Variants in KCNH7 observed in about 807,000 individuals in gnomAD.
The protein encoded by KCNH7 is voltage-gated inwardly rectifying potassium channel KCNH7.
In KCNH7, 49 loss-of-function variants were observed where a neutral mutation model predicts 120.8. The ratio of observed to expected loss-of-function variants is 0.41; its 90% CI spans 0.32 to 0.51. KCNH7 has a LOEUF of 0.51. Among genes scored for constraint, KCNH7 ranks in the 20% least tolerant of loss-of-function variants. The pLI, the probability that KCNH7 is intolerant of heterozygous loss-of-function variation, is 0.38. For missense variants in KCNH7, 1,097 were observed against 1,446.6 expected (o/e 0.76, Z 3.92); for synonymous variants, 547 against 516.1 (o/e 1.06, Z -0.81).
intron 2 of KCNH7, among the ~76,000 whole-genome samples, chr2:162,722,703 G>T (rs961703285): frequency 6.6e-6 from 1 of 151,076 alleles, no homozygotes; most frequent in East Asian, 1.9e-4. Flanking sequence ...CCTTTCTTTC[G>T]CTTATCTTGT....
intron 2 of KCNH7, among the ~76,000 whole-genome samples, chr2:162,613,178 A>G (rs1466937342): frequency 1.3e-5 from 2 of 151,988 alleles, no homozygotes; most frequent in African/African-American, 2.4e-5. Flanking sequence ...GTATCATATC[A>G]TACTGAGACT....
intron 2 of KCNH7, among the ~76,000 whole-genome samples, chr2:162,635,184 C>T (rs996090551): frequency 6.6e-6 from 1 of 151,988 alleles, no homozygotes; most frequent in Non-Finnish European, 1.5e-5. Flanking sequence ...TCTGCAGTTG[C>T]TTTATAATTT....
intron 2 of KCNH7, among the ~76,000 whole-genome samples, chr2:162,689,223 T>C: frequency 6.6e-6 from 1 of 152,100 alleles, no homozygotes; most frequent in Non-Finnish European, 1.5e-5. Context: ...CGATCTCGGC[T>C]CACTGCAACC....
chr2:162,400,253 T>A lies in KCNH7; in HGVS notation c.2343A>T (p.Ala781=). 6.2e-7 allele frequency: 1 copy of A among 1,612,316 alleles called. No individual in the cohort carries two copies. The highest frequency in any genetic ancestry group is 8.5e-7 in the Non-Finnish European group (1 of 1,178,926). The change falls in exon 10 of 16, where the codon GCA becomes GCT. Residue 781 remains alanine (A), a synonymous_variant. Transcript: ENST00000332142. ...TGGAGCCTCTGGATAAGAAATAAAGTGCAGTGAGGACATCCCCACAGTGAA... is the reference window on the plus strand; with the variant it reads ...TGGAGCCTCTGGATAAGAAATAAAGAGCAGTGAGGACATCCCCACAGTGAA... ...TLVHCGDVLT[A]LYFLSRGSIE... is the part of the protein sequence containing the mutation.
chr2:162,816,495 T>C (rs992991567), intron 2 of KCNH7, among the ~76,000 whole-genome samples: 1 of 152,100 alleles, frequency 6.6e-6, no homozygotes, highest in Non-Finnish European at 1.5e-5. Flanking sequence ...CAGAGACTAT[T>C]GAAGATCTAT....
intron 2 of KCNH7, among the ~76,000 whole-genome samples, chr2:162,620,011 C>A (rs1683288592): frequency 6.6e-6 from 1 of 151,418 alleles, no homozygotes. Context: ...GAATAAGAGA[C>A]CTGTGCTGTT....
intron 2 of KCNH7, among the ~76,000 whole-genome samples, chr2:162,704,598 C>T (rs1686630292): frequency 6.6e-6 from 1 of 152,124 alleles, no homozygotes; most frequent in African/African-American, 2.4e-5. Flanking sequence ...CAGCTTTATC[C>T]AGCTAGAATT....
intron 9 of KCNH7, among the ~76,000 whole-genome samples, chr2:162,419,174 C>T (rs953040602): frequency 6.6e-6 from 1 of 151,322 alleles, no homozygotes; most frequent in African/African-American, 2.4e-5. Context: ...CTTACCTATC[C>T]CCTATCCACC....
At chr2:162,833,693 T>A (rs547012000) in intron 2 of KCNH7, among the ~76,000 whole-genome samples, 1 of 152,208 alleles carries the variant, frequency 6.6e-6, no homozygotes, top group East Asian at 1.9e-4. Context: ...TAGTAGGAAG[T>A]GGTGTTTCAA....
chr2:162,529,638 G>A (rs756221081), intron 3 of KCNH7, among the ~76,000 whole-genome samples: 14 of 151,840 alleles, frequency 9.2e-5, no homozygotes, highest in Non-Finnish European at 1.8e-4. Flanking sequence ...CATTAATCAC[G>A]TAAACAAGAA....
At chr2:162,554,618 A>G (rs997344495) in intron 2 of KCNH7, among the ~76,000 whole-genome samples, 2 of 152,116 alleles carry the variant, frequency 1.3e-5, no homozygotes, top group African/African-American at 4.8e-5. Flanking sequence ...GCAATGTAGC[A>G]TCTTTAAATC....
At chr2:162,423,213 T>C (rs1020799091) in intron 9 of KCNH7, 123 bp downstream of exon 9, 2 of 1,577,060 alleles carry the variant, frequency 1.3e-6, no homozygotes, top group Non-Finnish European at 1.7e-6. Flanking sequence ...GGGGAGAAAA[T>C]ACACATCCGA....
At chr2:162,827,148 T>C (rs1322187162) in intron 2 of KCNH7, among the ~76,000 whole-genome samples, 4 of 152,032 alleles carry the variant, frequency 2.6e-5, no homozygotes. Context: ...ATTGGAGGCA[T>C]TTTAAATAAA....
chr2:162,511,684 C>T (rs73022636), intron 5 of KCNH7, among the ~76,000 whole-genome samples: 49 of 151,722 alleles, frequency 3.2e-4, no homozygotes, highest in African/African-American at 1.2e-3. Context: ...TAATTCATAA[C>T]CATCACCAGC....
chr2:162,451,082 G>T (rs998145577), intron 6 of KCNH7, among the ~76,000 whole-genome samples: 1 of 151,868 alleles, frequency 6.6e-6, no homozygotes, highest in African/African-American at 2.4e-5. Flanking sequence ...CTACAATCTG[G>T]GTTTGAAGTC....
At position 162,517,980 on chromosome 2, in the gene KCNH7, A is replaced by G. The variant is rs765581378; in HGVS notation, c.642T>C (p.Asp214=). The stretch of plus-strand genomic sequence containing the variant: ...TGGGCTGTATCAAAGCTTTTGTGTC[A>G]TCTGCTTCAGAGGGGCTGCAGCTTT... ...TKESCSPSEA[D]DTKALIQPSK... The change falls in exon 4 of 16, where the codon GAT becomes GAC. Residue 214 remains aspartate (D), a synonymous_variant. Transcript: ENST00000332142. The G allele has an allele frequency of 5.6e-6, 9 of 1,612,504 alleles. No individual in the cohort carries two copies. Among genetic ancestry groups the G allele is most frequent in the Admixed American group, 1.7e-5 (1 of 59,918 alleles).
chr2:162,613,669 A>C (rs1553502925), intron 2 of KCNH7, among the ~76,000 whole-genome samples: 1 of 151,876 alleles, frequency 6.6e-6, no homozygotes, highest in Non-Finnish European at 1.5e-5. Context: ...GTATTGGGGC[A>C]AAACAAACAA....
chr2:162,465,428 G>C (rs1370303938), intron 6 of KCNH7, among the ~76,000 whole-genome samples: 2 of 152,052 alleles, frequency 1.3e-5, no homozygotes, highest in Admixed American at 1.3e-4. Flanking sequence ...TTCCAATATA[G>C]AAATGTATTT....
chr2:162,823,238 G>GA (rs11400511), intron 2 of KCNH7, among the ~76,000 whole-genome samples: 132,706 of 150,340 alleles, frequency 0.88, 59,061 homozygotes, highest in Middle Eastern at 0.98. Context: ...GCTAAAAATT[G>GA]AAAAAAAAAG....
Sources: allele counts gnomAD v4.1 joint callset (sites outside exome capture counted in the v4.1 genomes callset), GRCh38; gene constraint gnomAD v4.1.1; transcripts MANE v1.5; gene names NCBI Gene and HGNC (gene_info 2026-07-23, HGNC 2026-07-21).